The following KALRN variants were observed in gnomAD, a reference collection of about 807,000 sequenced individuals.
KALRN encodes kalirin.
In KALRN, 70 loss-of-function variants were observed where a neutral mutation model predicts 353.7. That is an observed-to-expected ratio of 0.20 (90% CI 0.16 to 0.24). The LOEUF (loss-of-function observed/expected upper bound fraction) is 0.24. KALRN is among the 10% of genes least tolerant of loss of function. The probability of loss-of-function intolerance (pLI) is 1.00; values close to 1 mark genes in which losing one functional copy is unlikely to be tolerated. For synonymous variants in KALRN, 1,391 were observed against 1,434.8 expected (o/e 0.97, Z 0.69); for missense variants, 2,791 against 3,756.7 (o/e 0.74, Z 6.72).
chr3:124,068,338 A>G (rs1159314406), intron 1 of KALRN, among the ~76,000 whole-genome samples: 2 of 152,188 alleles, frequency 1.3e-5, no homozygotes, highest in Non-Finnish European at 2.9e-5. Context: ...CCTCTGTGAC[A>G]TCCTGTGAGG....
intron 7 of KALRN, among the ~76,000 whole-genome samples, chr3:124,328,367 CTCTT>C (rs1307949979): frequency 6.6e-6 from 1 of 152,194 alleles, no homozygotes; most frequent in Non-Finnish European, 1.5e-5. Flanking sequence ...AACTGCTTCT[CTCTT>C]TGTCTCTCTG....
intron 37 of KALRN, among the ~76,000 whole-genome samples, chr3:124,646,898 G>A (rs1282753549): frequency 6.6e-6 from 1 of 151,798 alleles, no homozygotes; most frequent in Non-Finnish European, 1.5e-5. Flanking sequence ...TTTAAGTTCT[G>A]TTTCTCTTTA....
intron 37 of KALRN, 92 bp downstream of exon 37, chr3:124,637,395 GT>G: frequency 1.1e-6 from 1 of 918,082 alleles, no homozygotes; most frequent in Admixed American, 1.8e-5. Context: ...CTTTGCACCT[GT>G]CCTCATTCTT....
At chr3:124,322,094 C>T (rs2079394619) in intron 6 of KALRN, among the ~76,000 whole-genome samples, 1 of 152,166 alleles carries the variant, frequency 6.6e-6, no homozygotes, top group East Asian at 1.9e-4. Flanking sequence ...GAGAGAAGGG[C>T]CTCTGGCCCT....
intron 34 of KALRN, among the ~76,000 whole-genome samples, chr3:124,614,554 C>G (rs1008763799): frequency 7.2e-6 from 1 of 139,100 alleles, no homozygotes; most frequent in Non-Finnish European, 1.5e-5. Context: ...GCCACTGCAC[C>G]TGGCTTTTTT....
chr3:124,099,482 A>G (rs1559948471), intron 1 of KALRN: 1 of 152,202 alleles, frequency 6.6e-6, no homozygotes, highest in Non-Finnish European at 1.5e-5. Context: ...GATTGATTCC[A>G]TATCCTGGCT....
intron 10 of KALRN, among the ~76,000 whole-genome samples, chr3:124,348,451 A>G (rs2082497374): frequency 6.6e-6 from 1 of 152,172 alleles, no homozygotes; most frequent in Admixed American, 6.5e-5. Flanking sequence ...GGGAGCTGCA[A>G]GCATATGCTG....
chr3:124,176,101 G>C (rs1036163144), intron 1 of KALRN, among the ~76,000 whole-genome samples: 2 of 151,976 alleles, frequency 1.3e-5, no homozygotes, highest in African/African-American at 4.8e-5. Context: ...GTAGGTGCCT[G>C]CAAAGCCCCC....
chr3:124,567,200 G>A (rs2072955308), intron 34 of KALRN, among the ~76,000 whole-genome samples: 1 of 152,146 alleles, frequency 6.6e-6, no homozygotes, highest in Non-Finnish European at 1.5e-5. Context: ...TTCCATAGGT[G>A]AATCTAAGGT....
chr3:124,667,661 T>G (rs2085816057), intron 47 of KALRN, among the ~76,000 whole-genome samples: 1 of 152,230 alleles, frequency 6.6e-6, no homozygotes, highest in African/African-American at 2.4e-5. Context: ...CTAGCCAACC[T>G]TACCCCTTTT....
intron 3 of KALRN, among the ~76,000 whole-genome samples, chr3:124,243,145 A>G (rs2080707605): frequency 6.6e-6 from 1 of 152,196 alleles, no homozygotes. Context: ...CTGTAGTGTC[A>G]GAAGTACAAT....
At chr3:124,299,789 C>G (rs1560500323) in intron 6 of KALRN, among the ~76,000 whole-genome samples, 2 of 152,182 alleles carry the variant, frequency 1.3e-5, no homozygotes, top group Admixed American at 6.5e-5. Context: ...GATGACCACT[C>G]TTATCCCTCA....
At chr3:124,145,175 G>A (rs2067175400) in intron 1 of KALRN, among the ~76,000 whole-genome samples, 1 of 152,162 alleles carries the variant, frequency 6.6e-6, no homozygotes, top group African/African-American at 2.4e-5. Context: ...TTAAGGCCAT[G>A]TTCGCATTTG....
chr3:124,492,833 C>T lies in KALRN; in HGVS notation c.4783C>T (p.Pro1595Ser). The change falls in exon 32 of 60, where the codon CCA becomes TCA. Residue 1595 changes from proline to serine, a missense_variant. Physicochemically the swap from Pro to Ser is moderately conservative, Grantham distance 74. This residue lies in a region of KALRN where 239 missense variants were observed against 351.3 expected (regional missense o/e 0.68). Coordinates refer to ENST00000682506, the MANE Select transcript of KALRN (RefSeq NM_001388419.1). Reference sequence around the variant, plus strand: ...TCACCTGAAAGGAGCTTTAAAGGAGCCACTTCAGCTCCCCAAAACACCAGC... The same window carrying T: ...TCACCTGAAAGGAGCTTTAAAGGAGTCACTTCAGCTCCCCAAAACACCAGC... ...IIHLKGALKE[P>S]LQLPKTPAKQ... is the part of the protein sequence containing the mutation. The T allele has an allele frequency of 1.2e-6, 2 of 1,614,086 alleles. No individual in the cohort carries two copies. The highest frequency in any genetic ancestry group is 1.7e-6 in the Non-Finnish European group (2 of 1,179,970).
chr3:124,404,431 C>T (rs1246907836), intron 13 of KALRN, among the ~76,000 whole-genome samples: 1 of 152,132 alleles, frequency 6.6e-6, no homozygotes, highest in East Asian at 1.9e-4. Flanking sequence ...TGAATGGAGC[C>T]TGGCTCACAT....
At position 124,156,428 on chromosome 3, in the gene KALRN, A is replaced by G. The variant is rs147561561; in HGVS notation, c.74-71562A>G. 6.7e-3 allele frequency among the ~76,000 whole-genome samples: 1,015 copies of G among 152,294 alleles called. 8 individuals carry two copies. Among genetic ancestry groups the G allele is most frequent in the Non-Finnish European group, 0.011 (764 of 68,024 alleles). On this transcript the variant is annotated intron_variant, in intron 1 of 59. Transcript: ENST00000682506. ...TCTCTACTTAAACTTGGGGCCTGAC[A>G]AACTTTATTAATGCTTGATCACCTG...
intron 5 of KALRN, among the ~76,000 whole-genome samples, chr3:124,276,872 G>A (rs567089744): frequency 1.3e-5 from 2 of 152,230 alleles, no homozygotes; most frequent in South Asian, 4.1e-4. Context: ...GTGTGCTTGA[G>A]TGGTTTGCTT....
At chr3:124,491,223 C>T (rs985591475) in intron 30 of KALRN, 100 bp from the exon 31 acceptor site, 7 of 698,096 alleles carry the variant, frequency 1.0e-5, no homozygotes, top group African/African-American at 3.6e-5. Context: ...GCCCCTCCCT[C>T]GGTCCTCTCC....
chr3:124,113,916 A>G (rs1392946445), intron 1 of KALRN, among the ~76,000 whole-genome samples: 1 of 152,234 alleles, frequency 6.6e-6, no homozygotes. Context: ...CAACCACTTA[A>G]GGAGAGAAGG....
Sources: gnomAD v4.1 joint callset for allele counts (sites outside exome capture counted in the v4.1 genomes callset) on GRCh38, gnomAD v4.1.1 for gene constraint, gnomAD v4.1.1 regional missense constraint, MANE v1.5 for transcripts, NCBI Gene and HGNC (gene_info 2026-07-23, HGNC 2026-07-21) for gene names.